Variants in ZNF536 observed in about 807,000 individuals in gnomAD.
ZNF536 encodes the protein zinc finger protein 536.
A neutral mutation model predicts 84.5 loss-of-function variants in ZNF536; 13 were observed. That is an observed-to-expected ratio of 0.15 (90% confidence interval 0.10 to 0.24). The LOEUF is 0.24. Ranked by LOEUF, ZNF536 falls within the 10% of genes least tolerant of loss-of-function variation. ZNF536 has a pLI of 1.00. For missense variants in ZNF536, 1,536 were observed against 1,747.5 expected (o/e 0.88, Z 2.16); for synonymous variants, 811 against 742.5 (o/e 1.09, Z -1.50).
chr19:30,327,505 A>G (rs2047077960), intron 2 of ZNF536, among the ~76,000 whole-genome samples: 1 of 152,196 alleles, frequency 6.6e-6, no homozygotes, highest in Admixed American at 6.5e-5. Flanking sequence ...TGAATTGGAG[A>G]CACATGAACC....
intron 2 of ZNF536, among the ~76,000 whole-genome samples, chr19:30,488,421 A>G (rs1054062776): frequency 1.3e-5 from 2 of 152,150 alleles, no homozygotes; most frequent in African/African-American, 4.8e-5. Flanking sequence ...TTCCTGACTC[A>G]TTCCCGGAAT....
rs116994397 is a variant in ZNF536, at chr19:30,391,981, C to A, written c.-3+19425C>A. 3.3e-3 allele frequency among the ~76,000 whole-genome samples: 497 copies of A among 152,238 alleles called. 2 individuals carry two copies. The highest frequency in any genetic ancestry group is 5.0e-3 in the Non-Finnish European group (340 of 68,008). On this transcript the variant is annotated intron_variant, in intron 1 of 4. Transcript: ENST00000355537. ...CACTTTGAATAAGGATATCCTCCCC[C>A]CTTCACCCCCGCCAAAAAAAGTGTA...
chr19:30,415,048 T>G (rs2147761437), intron 1 of ZNF536, among the ~76,000 whole-genome samples: 1 of 152,094 alleles, frequency 6.6e-6, no homozygotes, highest in South Asian at 2.1e-4. Context: ...CTCCTCCTCC[T>G]TCTTCTTCCT....
chr19:30,589,572 T>C (rs781167255), intron 1 of ZNF536, among the ~76,000 whole-genome samples: 1 of 152,084 alleles, frequency 6.6e-6, no homozygotes, highest in Non-Finnish European at 1.5e-5. Flanking sequence ...ACTGTTTATT[T>C]GGGGGTGATC....
At chr19:30,335,579 G>A (rs2047356871) in intron 2 of ZNF536, among the ~76,000 whole-genome samples, 3 of 152,042 alleles carry the variant, frequency 2.0e-5, no homozygotes, top group Admixed American at 6.6e-5. Flanking sequence ...ACCCAGTCCC[G>A]GCCCCTTTCC....
chr19:30,595,699 C>T (rs979078269), intron 1 of ZNF536, among the ~76,000 whole-genome samples: 5 of 152,218 alleles, frequency 3.3e-5, no homozygotes, highest in African/African-American at 9.6e-5. Flanking sequence ...CTCTCTGGCT[C>T]TTTCAAGACC....
At chr19:30,598,527 C>T (rs1322402916) in intron 1 of ZNF536, among the ~76,000 whole-genome samples, 1 of 152,146 alleles carries the variant, frequency 6.6e-6, no homozygotes, top group African/African-American at 2.4e-5. Context: ...TCTTAATTTT[C>T]TGTGTAATTA....
intron 2 of ZNF536, among the ~76,000 whole-genome samples, chr19:30,486,506 G>A (rs2054306969): frequency 6.6e-6 from 1 of 152,146 alleles, no homozygotes; most frequent in Admixed American, 6.5e-5. Flanking sequence ...TATCATTGAT[G>A]GGCATTTAGG....
At chr19:30,521,672 C>A (rs961629977) in intron 2 of ZNF536, among the ~76,000 whole-genome samples, 4 of 152,102 alleles carry the variant, frequency 2.6e-5, no homozygotes, top group Admixed American at 6.5e-5. Flanking sequence ...GGAGGAGGAA[C>A]CTCAGCCCTT....
At chr19:30,501,967 G>A (rs2145330516) in intron 2 of ZNF536, among the ~76,000 whole-genome samples, 1 of 152,322 alleles carries the variant, frequency 6.6e-6, no homozygotes, top group East Asian at 1.9e-4. Flanking sequence ...TATAGCTCCA[G>A]GGGAGACACT....
At chr19:30,532,347 T>C (rs369812348) in intron 2 of ZNF536, among the ~76,000 whole-genome samples, 1 of 152,126 alleles carries the variant, frequency 6.6e-6, no homozygotes, top group African/African-American at 2.4e-5. Flanking sequence ...GCCAGGCTAG[T>C]CTTGAGCTCC....
chr19:30,590,815 G>T (rs1346158315), intron 1 of ZNF536, among the ~76,000 whole-genome samples: 1 of 152,182 alleles, frequency 6.6e-6, no homozygotes, highest in Non-Finnish European at 1.5e-5. Flanking sequence ...GTTTTCTGTG[G>T]TTCCCATTTA....
chr19:30,532,156 G>A (rs1353733591), intron 2 of ZNF536, among the ~76,000 whole-genome samples: 1 of 151,548 alleles, frequency 6.6e-6, no homozygotes, highest in Non-Finnish European at 1.5e-5. Context: ...TTGAGACAGA[G>A]TCTCACTCTG....
intron 1 of ZNF536, among the ~76,000 whole-genome samples, chr19:30,259,272 C>A (rs555177695): frequency 5.3e-5 from 8 of 152,192 alleles, no homozygotes; most frequent in Admixed American, 2.0e-4. Context: ...GAGAAAAGAC[C>A]TCACACTCTT....
chr19:30,441,067 T>A (rs2052022772), intron 1 of ZNF536, among the ~76,000 whole-genome samples: 1 of 152,228 alleles, frequency 6.6e-6, no homozygotes, highest in African/African-American at 2.4e-5. Flanking sequence ...GGTCTTCAAC[T>A]CCATGCCCCT....
chr19:30,494,120 T>C (rs1009765543), intron 2 of ZNF536, among the ~76,000 whole-genome samples: 2 of 152,168 alleles, frequency 1.3e-5, no homozygotes, highest in Non-Finnish European at 2.9e-5. Flanking sequence ...TGTGAATAAT[T>C]AGTTATATGT....
intron 2 of ZNF536, among the ~76,000 whole-genome samples, chr19:30,484,865 C>T (rs916032318): frequency 3.3e-5 from 5 of 151,672 alleles, no homozygotes; most frequent in Non-Finnish European, 5.9e-5. Context: ...ACCTTGTTGC[C>T]GGGCGCGGTG....
chr19:30,458,447 G>GTTTTTTTTTTTTTTTGT (rs2052964132), intron 2 of ZNF536, among the ~76,000 whole-genome samples: 2 of 83,490 alleles, frequency 2.4e-5, no homozygotes, highest in African/African-American at 1.1e-4. Flanking sequence ...ATTTCCTGCT[G>GTTTTTTTTTTTTTTTGT]TTTTTTTTTT....
intron 2 of ZNF536, among the ~76,000 whole-genome samples, chr19:30,488,807 A>C (rs4361044): frequency 0.015 from 2,223 of 152,266 alleles, 43 homozygotes; most frequent in African/African-American, 0.051. Flanking sequence ...CTTCAGTTTG[A>C]TGCTAATGTG....
Sources: gnomAD v4.1 joint callset for allele counts (sites outside exome capture counted in the v4.1 genomes callset) on GRCh38, gnomAD v4.1.1 for gene constraint, MANE v1.5 for transcripts, NCBI Gene and HGNC (gene_info 2026-07-23, HGNC 2026-07-21) for gene names.